ZNF778: variants seen among roughly 807,000 people sequenced by gnomAD.
The protein encoded by ZNF778 is zinc finger protein 778.
In ZNF778, 37 loss-of-function variants were observed where a neutral mutation model predicts 23.9. That is an observed-to-expected ratio of 1.54 (90% CI 1.19 to 2.03). ZNF778 has a LOEUF of 2.03. Among genes scored for constraint, ZNF778 ranks in the 30% most tolerant of loss-of-function variants. The pLI is 0.00. For missense variants in ZNF778, 1,297 were observed against 934.4 expected, an observed-to-expected ratio of 1.39 and a Z score of -5.06; for synonymous variants, 483 against 343.9, an observed-to-expected ratio of 1.40 and a Z score of -4.48.
chr16:89,228,326 A>C lies in ZNF778; in HGVS notation c.2038A>C (p.Lys680Gln). The change falls in exon 7 of 7, where the codon AAA becomes CAA. Residue 680 changes from lysine (K) to glutamine (Q), a missense_variant. Transcript: ENST00000433976. ...ACCTTACATATGTAACGAGTGTGGG[A>C]AAGCCTTCCGTGCCTCCTCTCACCT... is the stretch of plus-strand genomic sequence containing the variant. ...EKPYICNECG[K>Q]AFRASSHLHK... The C allele has an allele frequency of 6.2e-7, 1 of 1,613,750 alleles. No homozygotes were observed. The highest frequency in any genetic ancestry group is 1.1e-5 in the South Asian group (1 of 91,066).
In ZNF778 at chr16:89,230,930, C is replaced by G. The variant is rs2031889484; in HGVS notation, c.*2368C>G. Reference sequence around the variant, plus strand: ...ATTCTGGATGGACAGACCCATGCACCTTCATGTTACGTGTTTAAAATTCTG... The same window carrying G: ...ATTCTGGATGGACAGACCCATGCACGTTCATGTTACGTGTTTAAAATTCTG... On this transcript the variant is annotated 3_prime_UTR_variant, in exon 7 of 7. Coordinates refer to ENST00000433976, the MANE Select transcript of ZNF778 (RefSeq NM_001201407.2). 6.6e-6 allele frequency: 1 copy of G among 152,158 alleles called. No homozygotes were observed. The highest frequency in any genetic ancestry group is 1.5e-5 in the Non-Finnish European group (1 of 68,078). 9.4% of individuals were successfully genotyped at this position (152,158 alleles called of 1,614,324 possible).
rs749249404 is a variant in ZNF778 at position 89,227,128 on chromosome 16, C to T, written c.840C>T (p.Pro280=). The T allele has an allele frequency of 4.3e-6, 7 of 1,614,026 alleles. No homozygotes were observed. The highest frequency in any genetic ancestry group is 5.9e-6 in the Non-Finnish European group (7 of 1,179,890). The change falls in exon 7 of 7, where the codon CCC becomes CCT. Residue 280 remains proline (P), a synonymous_variant. Coordinates refer to ENST00000433976, the MANE Select transcript of ZNF778 (RefSeq NM_001201407.2). ...TPVEMHAVRN[P]HVCRECGKAF... is the part of the protein sequence containing the mutation. The stretch of plus-strand genomic sequence containing the variant: ...TTGAAATGCATGCCGTCAGGAATCC[C>T]CACGTATGTAGGGAATGTGGGAAGG...
chr16:89,220,880 C>T (rs2030866411), intron 1 of ZNF778, 117 bp from the exon 2 acceptor site: 1 of 505,122 alleles, frequency 2.0e-6, no homozygotes, highest in Non-Finnish European at 3.6e-6. Flanking sequence ...GTGGATATTA[C>T]TAGTCCTCAA....
At position 89,235,806 on chromosome 16, in the gene ZNF778, AAG is replaced by A. The variant is rs1458396828; in HGVS notation, c.*7246_*7247del. The stretch of plus-strand genomic sequence containing the variant: ...ATGAAACATTTCTCATATTTGGTGT[AAG>A]ATAAAAACTTAAGTTTGAAGAGGTT... On this transcript the variant is annotated 3_prime_UTR_variant, in exon 7 of 7. Transcript: ENST00000433976. The A allele has an allele frequency of 6.6e-6, 1 of 152,080 alleles. No individual in the cohort carries two copies. Among genetic ancestry groups the A allele is most frequent in the Non-Finnish European group, 1.5e-5 (1 of 68,014 alleles). The allele number at this position is 152,080 out of a possible 1,614,324, so 9.4% of individuals were successfully genotyped here. A position where few individuals can be genotyped will look rare whatever the true frequency, so the allele number is the denominator to read the frequency against.
Position 89,230,215 on chromosome 16 carries a change from A to T in ZNF778, c.*1653A>T. The T allele has an allele frequency of 2.9e-6, 1 of 340,314 alleles. No individual in the cohort carries two copies. Among genetic ancestry groups the T allele is most frequent in the Non-Finnish European group, 4.2e-6 (1 of 240,492 alleles). The allele number at this position is 340,314 out of a possible 1,614,324, so 21.1% of individuals were successfully genotyped here. A position where few individuals can be genotyped will look rare whatever the true frequency, so the allele number is the denominator to read the frequency against. ...TCAGATAAAACACCAGGGTGCAAGG[A>T]GGGGCAGAGTGGAGAGGGGCGAGGT... On this transcript the variant is annotated 3_prime_UTR_variant, in exon 7 of 7. Coordinates refer to ENST00000433976, the MANE Select transcript of ZNF778 (RefSeq NM_001201407.2).
chr16:89,218,697 A>G (rs1004967910), intron 1 of ZNF778, among the ~76,000 whole-genome samples: 1 of 152,248 alleles, frequency 6.6e-6, no homozygotes, highest in African/African-American at 2.4e-5. Flanking sequence ...AGGCTGAGGC[A>G]GGAGAATGGC....
rs370238973 is a variant in ZNF778 at position 89,227,861 on chromosome 16, C to T, written c.1573C>T (p.Arg525Trp). 2.9e-5 allele frequency: 46 copies of T among 1,613,826 alleles called. No individual in the cohort carries two copies. Among genetic ancestry groups the T allele is most frequent in the African/African-American group, 5.3e-5 (4 of 74,814 alleles). Residue 525 changes from arginine to tryptophan, a missense_variant, in exon 7 of 7, where the codon CGG becomes TGG. Arg to Trp is a moderately radical substitution (Grantham distance 101). Coordinates refer to ENST00000433976, the MANE Select transcript of ZNF778 (RefSeq NM_001201407.2). ...GCGCTCAGGCCTCACTAAACACATG[C>T]GGACACACACCGGGGAGAAGCCCTA... ...TGRSGLTKHMRTHTGEKPYEC... is the reference protein window; with the variant it reads ...TGRSGLTKHMWTHTGEKPYEC...
In ZNF778 at chr16:89,226,762, A is replaced by G; in HGVS notation, c.474A>G (p.Ser158=). 6.2e-7 allele frequency: 1 copy of G among 1,614,002 alleles called. No homozygotes were observed. The highest frequency in any genetic ancestry group is 8.5e-7 in the Non-Finnish European group (1 of 1,179,892). The change falls in exon 7 of 7, where the codon TCA becomes TCG. Residue 158 remains serine, a synonymous_variant. Coordinates refer to ENST00000433976, the MANE Select transcript of ZNF778 (RefSeq NM_001201407.2). ...TQCGEAFSEH[S]GLSTHVRTQN... ...GTGGAGAAGCTTTCAGTGAACACTC[A>G]GGCCTCAGCACACACGTGAGAACTC... is the stretch of plus-strand genomic sequence containing the variant.
At chr16:89,223,887 AC>A (rs2031206911) in intron 4 of ZNF778, among the ~76,000 whole-genome samples, 1 of 151,318 alleles carries the variant, frequency 6.6e-6, no homozygotes, top group African/African-American at 2.4e-5. Context: ...AAAAAAACAA[AC>A]GTAGTTCCTG....
intron 4 of ZNF778, 70 bp from the exon 5 acceptor site, chr16:89,224,649 C>T (rs958656715): frequency 1.0e-4 from 110 of 1,096,706 alleles, no homozygotes; most frequent in Non-Finnish European, 1.3e-4. Context: ...AAATGTAGTT[C>T]CTGTTCACGG....
rs889586085 is a variant in ZNF778, at chr16:89,217,778, C to T, written c.-264C>T. On this transcript the variant is annotated 5_prime_UTR_variant, in exon 1 of 7. Coordinates refer to ENST00000433976, the MANE Select transcript of ZNF778 (RefSeq NM_001201407.2). ...AGTTCCGCGCGTGTCCTCGGGCTGTCCGCGGGGAAGCTGGTCCGGGAGTGG... is the reference window on the plus strand; with the variant it reads ...AGTTCCGCGCGTGTCCTCGGGCTGTTCGCGGGGAAGCTGGTCCGGGAGTGG... The T allele has an allele frequency of 3.3e-5, 5 of 152,344 alleles. No homozygotes were observed. The East Asian group carries it at 7.7e-4, about 24-fold the overall frequency. 9.4% of individuals were successfully genotyped at this position (152,344 alleles called of 1,614,324 possible).
intron 3 of ZNF778, 96 bp downstream of exon 3, chr16:89,222,279 C>A: frequency 1.1e-6 from 1 of 901,806 alleles, no homozygotes; most frequent in Non-Finnish European, 1.6e-6. Context: ...CAGCCTCACT[C>A]AAGGACCGAG....
chr16:89,219,903 C>G (rs1259580930), intron 1 of ZNF778, among the ~76,000 whole-genome samples: 4 of 152,246 alleles, frequency 2.6e-5, no homozygotes, highest in African/African-American at 7.2e-5. Flanking sequence ...GAGGGGATGT[C>G]TTTATGTAAT....
Position 89,229,242 on chromosome 16 carries a change from G to A in ZNF778, c.*680G>A. 3.0e-6 allele frequency: 3 copies of A among 985,604 alleles called. No homozygotes were observed. The highest frequency in any genetic ancestry group is 3.6e-6 in the Non-Finnish European group (3 of 830,086). 61.1% of individuals were successfully genotyped at this position (985,604 alleles called of 1,614,324 possible). On this transcript the variant is annotated 3_prime_UTR_variant, in exon 7 of 7. Transcript: ENST00000433976. ...CTGGTTGGTTAGTCTTGAGGATCCA[G>A]ATGTGATTCTTTGAGCAGCGTAGGC...
chr16:89,232,563 G>T lies in ZNF778; in HGVS notation c.*4001G>T. On this transcript the variant is annotated 3_prime_UTR_variant, in exon 7 of 7. Transcript: ENST00000433976. ...CACTTAGGGCAACTTATGCCCTCCT[G>T]TGTGAAAATCTCCACTCCCAATGTC... 2.7e-6 allele frequency: 3 copies of T among 1,124,958 alleles called. No homozygotes were observed. The highest frequency in any genetic ancestry group is 3.4e-6 in the Non-Finnish European group (3 of 884,486). The allele number at this position is 1,124,958 out of a possible 1,614,324, so 69.7% of individuals were successfully genotyped here.
chr16:89,231,299 A>C lies in ZNF778; in HGVS notation c.*2737A>C, dbSNP rs1014380993. 6.6e-6 allele frequency: 1 copy of C among 152,174 alleles called. No homozygotes were observed. The allele number at this position is 152,174 out of a possible 1,614,324, so 9.4% of individuals were successfully genotyped here. On this transcript the variant is annotated 3_prime_UTR_variant, in exon 7 of 7. Transcript: ENST00000433976. ...CAGGTCTCTGCTAGAACTGACTCAC[A>C]GTTGCCTGAGTCCAGAACTTGTGGG...
In ZNF778 at chr16:89,232,341, G is replaced by C; in HGVS notation, c.*3779G>C. The C allele has an allele frequency of 3.7e-6, 1 of 267,880 alleles. No homozygotes were observed. Among genetic ancestry groups the C allele is most frequent in the South Asian group, 4.0e-5 (1 of 25,122 alleles). 16.6% of individuals were successfully genotyped at this position (267,880 alleles called of 1,614,324 possible). ...CTCACCAGAAGCAGGTCAGATGCCA[G>C]TGCTATGCTTGCACAGCCTGCTGAA... is the stretch of plus-strand genomic sequence containing the variant. On this transcript the variant is annotated 3_prime_UTR_variant, in exon 7 of 7. Coordinates refer to ENST00000433976, the MANE Select transcript of ZNF778 (RefSeq NM_001201407.2).
chr16:89,218,652 G>A (rs1597340313), intron 1 of ZNF778, among the ~76,000 whole-genome samples: 1 of 152,048 alleles, frequency 6.6e-6, no homozygotes, highest in Non-Finnish European at 1.5e-5. Flanking sequence ...TTAGCCGGGC[G>A]TGGTGGCGGG....
At position 89,229,246 on chromosome 16, in the gene ZNF778, T is replaced by G. The variant is rs1597366355; in HGVS notation, c.*684T>G. 2 of 985,556 alleles carry G rather than the reference T, an allele frequency of 2.0e-6. No individual in the cohort carries two copies. Among genetic ancestry groups the G allele is most frequent in the East Asian group, 2.3e-4 (2 of 8,814 alleles). The allele number at this position is 985,556 out of a possible 1,614,324, so 61.1% of individuals were successfully genotyped here. A position where few individuals can be genotyped will look rare whatever the true frequency, so the allele number is the denominator to read the frequency against. ...TTGGTTAGTCTTGAGGATCCAGATG[T>G]GATTCTTTGAGCAGCGTAGGCTCTG... On this transcript the variant is annotated 3_prime_UTR_variant, in exon 7 of 7. Transcript: ENST00000433976.
Sources: gnomAD v4.1 joint callset for allele counts (sites outside exome capture counted in the v4.1 genomes callset) on GRCh38, gnomAD v4.1.1 for gene constraint, MANE v1.5 for transcripts, NCBI Gene and HGNC (gene_info 2026-07-23, HGNC 2026-07-21) for gene names.